Variants in GPD1L observed in about 807,000 individuals in gnomAD.
GPD1L encodes glycerol-3-phosphate dehydrogenase 1 like, also known as glycerol-3-phosphate dehydrogenase 1-like protein.
Under a neutral mutation model 32.9 loss-of-function variants are expected in GPD1L, and 17 were observed. The observed-to-expected ratio is 0.52, with a 90% CI of 0.35 to 0.78. The LOEUF (loss-of-function observed/expected upper bound fraction) is 0.78, where lower values mean the gene tolerates loss of function less well. GPD1L is among the 30% of genes least tolerant of loss of function. The pLI is 0.01. For missense variants in GPD1L, 361 were observed against 447.8 expected (o/e 0.81, Z 1.75); for synonymous variants, 187 against 165.9 (o/e 1.13, Z -0.98).
chr3:32,118,371 A>C (rs1348315895), intron 1 of GPD1L, among the ~76,000 whole-genome samples: 1 of 152,188 alleles, frequency 6.6e-6, no homozygotes. Context: ...TTCAATGTGC[A>C]TGTGAATCTC....
Position 32,106,693 on chromosome 3 carries a change from G to T in GPD1L, c.-19G>T. The T allele has an allele frequency of 6.4e-7, 1 of 1,553,772 alleles. No individual in the cohort carries two copies. Among genetic ancestry groups the T allele is most frequent in the South Asian group, 1.2e-5 (1 of 84,502 alleles). On this transcript the variant is annotated 5_prime_UTR_variant, in exon 1 of 8. Transcript: ENST00000282541. This position sits in a 1 kb window ranked among gnomAD's most constrained non-coding sequence, Gnocchi z 4.0. ...CCGGCCAGGGAAGCACGGTCCAGGC[G>T]GCTACATTCGGCCCGGCCATGGCAG...
intron 7 of GPD1L, 144 bp downstream of exon 7, chr3:32,159,818 A>C: frequency 1.4e-6 from 1 of 696,544 alleles, no homozygotes; most frequent in South Asian, 1.5e-5. Context: ...GTGTGATGTG[A>C]ACGTCTGTGA....
At chr3:32,109,149 G>A (rs1016077722) in intron 1 of GPD1L, among the ~76,000 whole-genome samples, 4 of 152,274 alleles carry the variant, frequency 2.6e-5, no homozygotes, top group African/African-American at 9.6e-5. Context: ...GTACCCGGCC[G>A]GCTTTGCCAG....
chr3:32,113,467 G>T (rs1700282695), intron 1 of GPD1L, among the ~76,000 whole-genome samples: 1 of 152,044 alleles, frequency 6.6e-6, no homozygotes, highest in Admixed American at 6.6e-5. Context: ...GTTGCAGGTG[G>T]ACAGTAGTTT....
At chr3:32,150,425 C>T (rs1319690254) in intron 5 of GPD1L, among the ~76,000 whole-genome samples, 1 of 150,438 alleles carries the variant, frequency 6.6e-6, no homozygotes, top group Admixed American at 6.6e-5. Context: ...TATAGGTATG[C>T]ACCACAGCGC....
intron 3 of GPD1L, 104 bp from the exon 4 acceptor site, chr3:32,140,124 A>T: frequency 8.7e-7 from 1 of 1,154,226 alleles, no homozygotes; most frequent in Non-Finnish European, 1.3e-6. Context: ...TTACTCTTGT[A>T]AGTAGGAGAC....
rs957741143 is a variant in GPD1L, at chr3:32,146,512, A to C, written c.506-110A>C. The C allele has an allele frequency of 3.0e-5, 22 of 745,094 alleles. No individual in the cohort carries two copies. In the Admixed American group the frequency reaches 4.1e-4, roughly 14 times the overall value. 46.2% of individuals were successfully genotyped at this position (745,094 alleles called of 1,614,324 possible). A position where few individuals can be genotyped will look rare whatever the true frequency, so the allele number is the denominator to read the frequency against. ...CTATGTGTTTTCTAAATATCCTATCATGAACATGTTACTTTTATAGTAAGT... is the reference window on the plus strand; with the variant it reads ...CTATGTGTTTTCTAAATATCCTATCCTGAACATGTTACTTTTATAGTAAGT... On this transcript the variant is annotated intron_variant, in intron 4 of 7. Coordinates refer to ENST00000282541, the MANE Select transcript of GPD1L (RefSeq NM_015141.4).
At position 32,110,009 on chromosome 3, in the gene GPD1L, G is replaced by C. The variant is rs186465866; in HGVS notation, c.47+3251G>C. Among the ~76,000 whole-genome samples the C allele has an allele frequency of 2.3e-3, 357 of 152,298 alleles. 2 individuals are homozygous for C. The highest frequency in any genetic ancestry group is 8.2e-3 in the African/African-American group (341 of 41,564). On this transcript the variant is annotated intron_variant, in intron 1 of 7. Transcript: ENST00000282541. ...CTCAGCTCACCGCAAGCTTCGCCTC[G>C]CGGGTTCACGCCATTCTCCTGCCTC...
intron 2 of GPD1L, among the ~76,000 whole-genome samples, chr3:32,130,695 T>G (rs60970914): frequency 0.3 from 45,074 of 151,886 alleles, 7,724 homozygotes; most frequent in East Asian, 0.74. Context: ...TGAAGGCCGG[T>G]TGCGGTGGCT....
chr3:32,137,691 T>G (rs79560812), intron 2 of GPD1L, among the ~76,000 whole-genome samples: 1 of 152,186 alleles, frequency 6.6e-6, no homozygotes, highest in Non-Finnish European at 1.5e-5. Flanking sequence ...CCAGAGACCA[T>G]GTGCCCTGGA....
At chr3:32,154,988 A>G (rs891268424) in intron 5 of GPD1L, among the ~76,000 whole-genome samples, 10 of 152,118 alleles carry the variant, frequency 6.6e-5, no homozygotes, top group African/African-American at 2.4e-4. Flanking sequence ...AGCTCAAGCA[A>G]TCCACCCACC....
At position 32,142,267 on chromosome 3, in the gene GPD1L, C is replaced by T. The variant is rs377455977; in HGVS notation, c.505+1901C>T. On this transcript the variant is annotated intron_variant, in intron 4 of 7. Transcript: ENST00000282541. ...CCAAGTAGCTGGAATTACAGGCATG[C>T]GCCACCACGCCCAGCTAATTTTTGT... Among the ~76,000 whole-genome samples the T allele has an allele frequency of 3.0e-4, 45 of 152,058 alleles. 2 individuals are homozygous for T. In the South Asian group the frequency reaches 8.3e-3, roughly 28 times the overall value.
intron 7 of GPD1L, among the ~76,000 whole-genome samples, chr3:32,162,829 C>G (rs1277283748): frequency 6.6e-6 from 1 of 151,480 alleles, no homozygotes; most frequent in Non-Finnish European, 1.5e-5. Context: ...GGTGCAATCT[C>G]AGCACTGCAA....
intron 2 of GPD1L, among the ~76,000 whole-genome samples, chr3:32,134,653 A>AT (rs1240422541): frequency 6.3e-4 from 96 of 151,778 alleles, no homozygotes; most frequent in African/African-American, 2.1e-3. Flanking sequence ...CACCTGGTTA[A>AT]TTTTTTTTAT....
chr3:32,133,167 C>T (rs971456230), intron 2 of GPD1L, among the ~76,000 whole-genome samples: 3 of 152,144 alleles, frequency 2.0e-5, no homozygotes, highest in Non-Finnish European at 2.9e-5. Flanking sequence ...CACGATGCTC[C>T]GTGCAGCCAC....
intron 2 of GPD1L, among the ~76,000 whole-genome samples, chr3:32,128,956 C>T (rs1226047493): frequency 6.6e-6 from 1 of 152,166 alleles, no homozygotes; most frequent in Admixed American, 6.5e-5. Context: ...GTAAGACTGA[C>T]AGTTTAAATT....
At chr3:32,133,347 A>G (rs553044389) in intron 2 of GPD1L, among the ~76,000 whole-genome samples, 2 of 152,332 alleles carry the variant, frequency 1.3e-5, no homozygotes, top group African/African-American at 4.8e-5. Flanking sequence ...TTTATCTGTC[A>G]TTACTATGAT....
rs1294718063 is a variant in GPD1L at position 32,141,925 on chromosome 3, A to G, written c.505+1559A>G. Among the ~76,000 whole-genome samples the G allele has an allele frequency of 2.0e-5, 3 of 152,160 alleles. No homozygotes were observed. In the East Asian group the frequency reaches 5.8e-4, roughly 29 times the overall value. ...GTAGTGAGCATAGTACCCCACAGGT[A>G]GTTTTTCAATCCTTCCCTCCTTTCT... On this transcript the variant is annotated intron_variant, in intron 4 of 7. Transcript: ENST00000282541.
At chr3:32,123,082 T>C (rs928260903) in intron 1 of GPD1L, among the ~76,000 whole-genome samples, 4 of 152,012 alleles carry the variant, frequency 2.6e-5, no homozygotes, top group African/African-American at 9.7e-5. Flanking sequence ...TTTTTATTTT[T>C]TGTAGAGACA....
Sources: allele counts gnomAD v4.1 joint callset (sites outside exome capture counted in the v4.1 genomes callset), GRCh38; gene constraint gnomAD v4.1.1; non-coding constraint Gnocchi (gnomAD v3.1); transcripts MANE v1.5; gene names NCBI Gene and HGNC (gene_info 2026-07-23, HGNC 2026-07-21).